Variants in EXOC4 observed in about 807,000 individuals in gnomAD.
EXOC4 encodes the protein exocyst complex component 4, also known as SEC8-like 1.
Under a neutral mutation model 107.2 loss-of-function variants are expected in EXOC4, and 71 were observed. That is an observed-to-expected ratio of 0.66 (90% CI 0.55 to 0.81). The LOEUF (loss-of-function observed/expected upper bound fraction) is 0.81. Among genes scored for constraint, EXOC4 ranks in the 30% least tolerant of loss-of-function variants. The pLI is 0.00. For synonymous variants in EXOC4, 456 were observed against 441.2 expected (o/e 1.03, Z -0.42); for missense variants, 1,108 against 1,189.6 (o/e 0.93, Z 1.01).
chr7:133,970,024 C>CT (rs1801166370), intron 14 of EXOC4, among the ~76,000 whole-genome samples: 1 of 152,172 alleles, frequency 6.6e-6, no homozygotes, highest in African/African-American at 2.4e-5. Context: ...TGCTGCCTTT[C>CT]TTTCAGAGAT....
At chr7:133,485,138 T>C in intron 9 of EXOC4, among the ~76,000 whole-genome samples, 1 of 149,612 alleles carries the variant, frequency 6.7e-6, no homozygotes, top group South Asian at 2.1e-4. Flanking sequence ...AATGAGTCAG[T>C]AATAAATAAA....
chr7:133,734,434 C>CT (rs67012753), intron 10 of EXOC4, among the ~76,000 whole-genome samples: 129,264 of 145,730 alleles, frequency 0.89, 57,431 homozygotes, highest in East Asian at 0.99. Context: ...TAATTCTTCA[C>CT]TTTTTTTTTT....
chr7:133,941,395 G>A (rs147752316), intron 14 of EXOC4, among the ~76,000 whole-genome samples: 120 of 152,278 alleles, frequency 7.9e-4, no homozygotes, highest in African/African-American at 2.8e-3. Flanking sequence ...GAAGAAAGTA[G>A]AGAAAAAAGT....
chr7:133,996,964 A>C (rs1794405986), intron 14 of EXOC4, among the ~76,000 whole-genome samples: 1 of 152,222 alleles, frequency 6.6e-6, no homozygotes, highest in Non-Finnish European at 1.5e-5. Flanking sequence ...AGGATTACAA[A>C]GTTAGGTAAA....
chr7:133,480,697 T>G (rs2150859841), intron 9 of EXOC4: 1 of 152,392 alleles, frequency 6.6e-6, no homozygotes, highest in East Asian at 1.9e-4. Flanking sequence ...AATAAATATA[T>G]TAGACTGATA....
intron 9 of EXOC4, among the ~76,000 whole-genome samples, chr7:133,552,644 T>C (rs1377929743): frequency 6.6e-6 from 1 of 152,076 alleles, no homozygotes; most frequent in African/African-American, 2.4e-5. Flanking sequence ...ATGGGAGTAA[T>C]GAGGAGGGAT....
Position 133,714,589 on chromosome 7 carries a change from A to G in EXOC4, c.1514+84448A>G, listed in dbSNP as rs76893545. 4.9e-3 allele frequency among the ~76,000 whole-genome samples: 743 copies of G among 152,366 alleles called. 3 individuals are homozygous for G. Among genetic ancestry groups the G allele is most frequent in the Middle Eastern group, 0.017 (5 of 294 alleles). ...GGTTTTGCATCCAGTTCAACTGAGT[A>G]TAAATCAAAACATCATTGCATCTGT... On this transcript the variant is annotated intron_variant, in intron 10 of 17. Coordinates refer to ENST00000253861, the MANE Select transcript of EXOC4 (RefSeq NM_021807.4).
At chr7:133,770,988 A>G (rs1796233375) in intron 10 of EXOC4, among the ~76,000 whole-genome samples, 1 of 151,984 alleles carries the variant, frequency 6.6e-6, no homozygotes, top group South Asian at 2.1e-4. Context: ...ATGAATGGAC[A>G]TGTTGTAGCC....
intron 10 of EXOC4, among the ~76,000 whole-genome samples, chr7:133,723,687 C>T (rs2151109196): frequency 6.6e-6 from 1 of 152,224 alleles, no homozygotes; most frequent in Middle Eastern, 3.4e-3. Flanking sequence ...AACGGGGTTT[C>T]ACTATGTTGG....
intron 9 of EXOC4, among the ~76,000 whole-genome samples, chr7:133,523,817 A>C (rs1193970972): frequency 1.2e-4 from 18 of 152,184 alleles, no homozygotes; most frequent in East Asian, 5.8e-4. Flanking sequence ...TGTATATGTG[A>C]CACATTTTCT....
intron 9 of EXOC4, among the ~76,000 whole-genome samples, chr7:133,528,200 A>G (rs1800116310): frequency 6.6e-6 from 1 of 152,194 alleles, no homozygotes; most frequent in South Asian, 2.1e-4. Flanking sequence ...TGTATTAAAA[A>G]CAAGAGGAAG....
chr7:133,288,876 T>C (rs1226945080), intron 2 of EXOC4, 46 bp from the exon 3 acceptor site: 2 of 1,550,746 alleles, frequency 1.3e-6, no homozygotes, highest in South Asian at 2.3e-5. Flanking sequence ...AGGTTTAGAC[T>C]GGCAAGACTT....
At chr7:133,280,664 A>T (rs1794115925) in intron 2 of EXOC4, among the ~76,000 whole-genome samples, 1 of 152,214 alleles carries the variant, frequency 6.6e-6, no homozygotes, top group African/African-American at 2.4e-5. Context: ...GTACACGATT[A>T]TTCAAGTGAA....
chr7:133,318,742 T>C (rs1390555928), intron 5 of EXOC4, among the ~76,000 whole-genome samples: 1 of 152,182 alleles, frequency 6.6e-6, no homozygotes, highest in Admixed American at 6.5e-5. Flanking sequence ...TGTTTTAGGA[T>C]TATTTAGGCT....
intron 3 of EXOC4, among the ~76,000 whole-genome samples, chr7:133,299,981 A>G (rs1484562897): frequency 6.6e-6 from 1 of 152,194 alleles, no homozygotes; most frequent in Non-Finnish European, 1.5e-5. Flanking sequence ...ATGAAGGTTT[A>G]TTAAATAAAA....
chr7:133,463,448 C>T (rs1160740390), intron 7 of EXOC4, among the ~76,000 whole-genome samples: 1 of 152,094 alleles, frequency 6.6e-6, no homozygotes, highest in African/African-American at 2.4e-5. Flanking sequence ...GACATTCTTA[C>T]AAGCAATGGC....
chr7:134,034,189 G>C (rs1795334957), intron 17 of EXOC4, among the ~76,000 whole-genome samples: 2 of 152,104 alleles, frequency 1.3e-5, no homozygotes, highest in African/African-American at 4.8e-5. Flanking sequence ...AAGTTCTCTG[G>C]GTGGGAAAAG....
chr7:133,607,928 G>A (rs1289793987), intron 9 of EXOC4, among the ~76,000 whole-genome samples: 1 of 152,184 alleles, frequency 6.6e-6, no homozygotes, highest in Non-Finnish European at 1.5e-5. Flanking sequence ...AAGGGGTAGT[G>A]GGGGGAGCAA....
chr7:134,077,088 A>T, the EXOC4 span, among the ~76,000 whole-genome samples: 67 of 152,214 alleles, frequency 4.4e-4, no homozygotes, highest in African/African-American at 1.6e-3. Context: ...CAAGCTGAAG[A>T]ATCAGGAAAG....
Sources: allele counts gnomAD v4.1 joint callset (sites outside exome capture counted in the v4.1 genomes callset), GRCh38; gene constraint gnomAD v4.1.1; transcripts MANE v1.5; gene names NCBI Gene and HGNC (gene_info 2026-07-23, HGNC 2026-07-21).